SPAG16: variants seen among roughly 807,000 people sequenced by gnomAD.
The protein encoded by SPAG16 is sperm associated antigen 16.
In SPAG16, 86 loss-of-function variants were observed where a neutral mutation model predicts 80.4. That is an observed-to-expected ratio of 1.07 (90% CI 0.90 to 1.28). The LOEUF (loss-of-function observed/expected upper bound fraction) is 1.28. Ranked by LOEUF, SPAG16 falls within the 50% of genes most tolerant of loss-of-function variation. The probability of loss-of-function intolerance (pLI) is 0.00; values close to 1 mark genes in which losing one functional copy is unlikely to be tolerated. For missense variants in SPAG16, 870 were observed against 765.3 expected (o/e 1.14, Z -1.61); for synonymous variants, 294 against 265.9 (o/e 1.11, Z -1.03).
intron 10 of SPAG16, among the ~76,000 whole-genome samples, chr2:213,670,254 C>T (rs1205589290): frequency 6.6e-6 from 1 of 151,970 alleles, no homozygotes; most frequent in Non-Finnish European, 1.5e-5. Context: ...GCTCAGCCTC[C>T]CAAAGTGCTG....
chr2:214,054,945 C>G (rs1052572694), intron 13 of SPAG16, among the ~76,000 whole-genome samples: 1 of 152,140 alleles, frequency 6.6e-6, no homozygotes, highest in Non-Finnish European at 1.5e-5. Flanking sequence ...TATGCATACA[C>G]TAATTCCTTT....
chr2:213,402,600 T>G (rs10204270), intron 9 of SPAG16, among the ~76,000 whole-genome samples: 1 of 139,910 alleles, frequency 7.1e-6, no homozygotes, highest in Non-Finnish European at 1.5e-5. Flanking sequence ...CAACAGTCCC[T>G]GGAGTGTGAT....
intron 12 of SPAG16, among the ~76,000 whole-genome samples, chr2:213,995,262 G>A (rs1363607633): frequency 6.6e-6 from 1 of 152,166 alleles, no homozygotes; most frequent in African/African-American, 2.4e-5. Context: ...TCTGCAGGTG[G>A]GTTTCCATGG....
Position 213,849,130 on chromosome 2 carries a change from T to A in SPAG16, c.1071-13355T>A, listed in dbSNP as rs1274714158. Among the ~76,000 whole-genome samples, 3 of 152,302 alleles carry A rather than the reference T, an allele frequency of 2.0e-5. No individual in the cohort carries two copies. The East Asian group carries it at 5.8e-4, about 29-fold the overall frequency. ...TCTGCATCTGGCGAGGACCTCAGGC[T>A]GCTGTCACTCTTGGCATAGGGTGAC... is the stretch of plus-strand genomic sequence containing the variant. On this transcript the variant is annotated intron_variant, in intron 10 of 15. Transcript: ENST00000331683.
chr2:213,305,267 G>GT (rs1051745147), intron 3 of SPAG16, among the ~76,000 whole-genome samples: 4 of 151,930 alleles, frequency 2.6e-5, no homozygotes, highest in Non-Finnish European at 4.4e-5. Context: ...TGGTGAATAG[G>GT]TTTTTTTCGA....
chr2:213,541,891 G>A (rs1163797853), intron 10 of SPAG16, among the ~76,000 whole-genome samples: 1 of 152,144 alleles, frequency 6.6e-6, no homozygotes, highest in Non-Finnish European at 1.5e-5. Context: ...CTTCCTCACT[G>A]GGGGTTGACA....
At chr2:213,837,655 C>A (rs553205921) in intron 10 of SPAG16, among the ~76,000 whole-genome samples, 1 of 152,160 alleles carries the variant, frequency 6.6e-6, no homozygotes, top group Admixed American at 6.5e-5. Context: ...TGCACCCCAG[C>A]AAATGTCCAT....
chr2:214,391,374 T>C (rs1396345678), intron 15 of SPAG16, among the ~76,000 whole-genome samples: 16 of 152,230 alleles, frequency 1.1e-4, no homozygotes, highest in Admixed American at 9.8e-4. Flanking sequence ...AACGTATTTC[T>C]TCTGATCTGA....
intron 12 of SPAG16, among the ~76,000 whole-genome samples, chr2:213,989,070 G>C (rs1336796214): frequency 6.6e-6 from 1 of 152,096 alleles, no homozygotes; most frequent in Non-Finnish European, 1.5e-5. Flanking sequence ...CAGGTTGTGG[G>C]ATAGTGTCAT....
At chr2:213,726,217 C>G (rs1256536763) in intron 10 of SPAG16, among the ~76,000 whole-genome samples, 4 of 152,206 alleles carry the variant, frequency 2.6e-5, no homozygotes, top group African/African-American at 9.7e-5. Flanking sequence ...TGGCAGTAGA[C>G]AGTGTGTAAA....
intron 9 of SPAG16, among the ~76,000 whole-genome samples, chr2:213,386,038 A>G (rs1181445893): frequency 1.3e-5 from 2 of 152,182 alleles, no homozygotes; most frequent in East Asian, 1.9e-4. Context: ...ATGACAATTC[A>G]CAAATAACTA....
chr2:214,189,663 CT>C (rs375643718), intron 15 of SPAG16, among the ~76,000 whole-genome samples: 199 of 150,564 alleles, frequency 1.3e-3, no homozygotes, highest in African/African-American at 3.4e-3. Flanking sequence ...GCATAAACAC[CT>C]TTTTTTTTGC....
chr2:213,340,888 C>G (rs1438870306), intron 6 of SPAG16, among the ~76,000 whole-genome samples: 1 of 152,124 alleles, frequency 6.6e-6, no homozygotes, highest in Non-Finnish European at 1.5e-5. Flanking sequence ...TTTGCTTGCT[C>G]TAAGGCAGTG....
intron 12 of SPAG16, among the ~76,000 whole-genome samples, chr2:213,957,747 G>T (rs1296135602): frequency 1.3e-5 from 2 of 151,980 alleles, no homozygotes; most frequent in African/African-American, 4.8e-5. Flanking sequence ...TCCTTTGTGT[G>T]TATTTTATAG....
At chr2:214,060,690 G>A (rs1048508318) in intron 13 of SPAG16, among the ~76,000 whole-genome samples, 12 of 152,108 alleles carry the variant, frequency 7.9e-5, no homozygotes, top group African/African-American at 2.9e-4. Context: ...TCTTAAAAAT[G>A]TCTTCATGAA....
intron 9 of SPAG16, among the ~76,000 whole-genome samples, chr2:213,450,220 C>T (rs112927021): frequency 0.023 from 3,560 of 152,238 alleles, 58 homozygotes; most frequent in African/African-American, 0.038. Flanking sequence ...AGGAGAATTG[C>T]TTGAAGCTGG....
chr2:214,206,245 G>T (rs1036769199), intron 15 of SPAG16, among the ~76,000 whole-genome samples: 3 of 151,772 alleles, frequency 2.0e-5, no homozygotes, highest in Non-Finnish European at 2.9e-5. Context: ...CTGTATTTTT[G>T]TACCCATTAA....
chr2:213,777,032 C>T (rs913983477), intron 10 of SPAG16, among the ~76,000 whole-genome samples: 3 of 151,604 alleles, frequency 2.0e-5, no homozygotes, highest in East Asian at 1.9e-4. Context: ...GTACATTAAC[C>T]GTAGTTATTA....
intron 15 of SPAG16, among the ~76,000 whole-genome samples, chr2:214,344,322 G>A (rs550084038): frequency 4.5e-4 from 69 of 152,178 alleles, no homozygotes; most frequent in African/African-American, 1.6e-3. Context: ...CTGGTACTAC[G>A]GAAGCTTCAA....
Sources: gnomAD v4.1 joint callset for allele counts (sites outside exome capture counted in the v4.1 genomes callset) on GRCh38, gnomAD v4.1.1 for gene constraint, MANE v1.5 for transcripts, NCBI Gene and HGNC (gene_info 2026-07-23, HGNC 2026-07-21) for gene names.